Variants in PTPRT observed in about 807,000 individuals in gnomAD.
The protein encoded by PTPRT is receptor-type tyrosine-protein phosphatase T.
In PTPRT, 56 loss-of-function variants were observed where a neutral mutation model predicts 176.8. The observed-to-expected ratio is 0.32, with a 90% CI of 0.26 to 0.40. The LOEUF (loss-of-function observed/expected upper bound fraction) is 0.40, where lower values mean the gene tolerates loss of function less well. Among genes scored for constraint, PTPRT ranks in the 10% least tolerant of loss-of-function variants. PTPRT has a pLI of 1.00. For synonymous variants in PTPRT, 783 were observed against 739.0 expected (o/e 1.06, Z -0.96); for missense variants, 1,540 against 1,908.2 (o/e 0.81, Z 3.60).
intron 7 of PTPRT, among the ~76,000 whole-genome samples, chr20:42,541,992 TG>T (rs1158968476): frequency 1.3e-5 from 2 of 152,078 alleles, no homozygotes; most frequent in Non-Finnish European, 2.9e-5. Flanking sequence ...AATTGAATCA[TG>T]GGGGTAGGTT....
chr20:42,116,870 C>G lies in PTPRT; in HGVS notation c.2982+1533G>C, dbSNP rs560292407. ...CAATTTAGATTTATGGTCTATCCAT[C>G]AAGGGAATCTGTTTCCAATGGGGGA... is the stretch of plus-strand genomic sequence containing the variant. On this transcript the variant is annotated intron_variant, in intron 21 of 30. Coordinates refer to ENST00000373187, the MANE Select transcript of PTPRT (RefSeq NM_007050.6). Among the ~76,000 whole-genome samples the G allele has an allele frequency of 1.2e-3, 177 of 152,296 alleles. 1 individual carries two copies. Among genetic ancestry groups the G allele is most frequent in the Non-Finnish European group, 1.7e-3 (119 of 68,022 alleles).
intron 15 of PTPRT, among the ~76,000 whole-genome samples, chr20:42,233,272 G>T (rs986671271): frequency 1.3e-5 from 2 of 152,080 alleles, no homozygotes; most frequent in Non-Finnish European, 2.9e-5. Flanking sequence ...GCTTTTGCTT[G>T]GGAGCTCCAC....
intron 1 of PTPRT, among the ~76,000 whole-genome samples, chr20:43,060,575 C>T (rs572999366): frequency 1.1e-3 from 169 of 152,292 alleles, no homozygotes; most frequent in South Asian, 2.1e-3. Flanking sequence ...ATTTTTAATT[C>T]GGCTTTATTA....
intron 12 of PTPRT, among the ~76,000 whole-genome samples, chr20:42,299,816 T>C (rs574788600): frequency 4.6e-5 from 7 of 151,558 alleles, no homozygotes; most frequent in Non-Finnish European, 1.0e-4. Flanking sequence ...CCCAGCTAAT[T>C]TTTTGTATTT....
intron 7 of PTPRT, among the ~76,000 whole-genome samples, chr20:42,628,878 A>C (rs976600066): frequency 9.2e-5 from 14 of 152,178 alleles, no homozygotes; most frequent in African/African-American, 3.4e-4. Flanking sequence ...CACAAATGCT[A>C]ACATATTTAC....
chr20:42,661,504 A>C (rs1326774028), intron 7 of PTPRT, among the ~76,000 whole-genome samples: 4 of 152,236 alleles, frequency 2.6e-5, no homozygotes, highest in Non-Finnish European at 5.9e-5. Context: ...AAGAAGATAA[A>C]GAAGTAAAAT....
intron 7 of PTPRT, among the ~76,000 whole-genome samples, chr20:42,483,057 T>A (rs1297008549): frequency 6.6e-6 from 1 of 152,162 alleles, no homozygotes; most frequent in East Asian, 1.9e-4. Flanking sequence ...ATCGATTGGA[T>A]AAAAATGGCA....
At chr20:42,361,860 A>C (rs1323866484) in intron 9 of PTPRT, among the ~76,000 whole-genome samples, 1 of 152,188 alleles carries the variant, frequency 6.6e-6, no homozygotes, top group Non-Finnish European at 1.5e-5. Flanking sequence ...GTTTTATTCC[A>C]CTAAATTTTG....
At chr20:42,713,431 C>T (rs572061398) in intron 6 of PTPRT, among the ~76,000 whole-genome samples, 1 of 152,220 alleles carries the variant, frequency 6.6e-6, no homozygotes, top group East Asian at 1.9e-4. Context: ...CTCCTGGAGC[C>T]CACTACCCAA....
At chr20:42,627,807 T>A (rs564194093) in intron 7 of PTPRT, among the ~76,000 whole-genome samples, 1 of 152,194 alleles carries the variant, frequency 6.6e-6, no homozygotes, top group Non-Finnish European at 1.5e-5. Context: ...TCTGAGACAG[T>A]CTGTTTCAGA....
chr20:43,150,318 C>T (rs1051610108), intron 1 of PTPRT, among the ~76,000 whole-genome samples: 1 of 152,214 alleles, frequency 6.6e-6, no homozygotes, highest in African/African-American at 2.4e-5. Flanking sequence ...ACAGACAACT[C>T]AGAACTGACC....
chr20:42,425,849 C>T (rs1355141542), intron 9 of PTPRT, among the ~76,000 whole-genome samples: 1 of 152,012 alleles, frequency 6.6e-6, no homozygotes, highest in Non-Finnish European at 1.5e-5. Context: ...GAGAGGGAGG[C>T]CTTGAAGGCA....
In PTPRT at chr20:42,572,567, A is replaced by T. The variant is rs146171120; in HGVS notation, c.1154-100005T>A. 8.6e-3 allele frequency among the ~76,000 whole-genome samples: 1,309 copies of T among 152,286 alleles called. 11 individuals carry two copies. The highest frequency in any genetic ancestry group is 0.028 in the South Asian group (135 of 4,816). ...ATCTCTCCCTTGTCCTTTCGAGCCCATATAAAATGCACCTTTCTCAGGAAA... is the reference window on the plus strand; with the variant it reads ...ATCTCTCCCTTGTCCTTTCGAGCCCTTATAAAATGCACCTTTCTCAGGAAA... On this transcript the variant is annotated intron_variant, in intron 7 of 30. Coordinates refer to ENST00000373187, the MANE Select transcript of PTPRT (RefSeq NM_007050.6).
intron 13 of PTPRT, chr20:42,270,415 G>A (rs2056913373): frequency 6.5e-7 from 1 of 1,547,302 alleles, no homozygotes; most frequent in South Asian, 1.2e-5. Flanking sequence ...AGGAGGCAGA[G>A]TGGAGTCCCC....
intron 7 of PTPRT, among the ~76,000 whole-genome samples, chr20:42,576,656 A>T (rs2145707856): frequency 6.6e-6 from 1 of 152,304 alleles, no homozygotes; most frequent in East Asian, 1.9e-4. Flanking sequence ...TGTGTCAGAA[A>T]AAGAACCTGG....
chr20:42,129,911 G>A (rs371020420), intron 18 of PTPRT, among the ~76,000 whole-genome samples: 1 of 152,182 alleles, frequency 6.6e-6, no homozygotes, highest in African/African-American at 2.4e-5. Flanking sequence ...ACATACAGCA[G>A]GTACTCAGTA....
intron 9 of PTPRT, among the ~76,000 whole-genome samples, chr20:42,417,758 G>C (rs113270853): frequency 6.6e-6 from 1 of 151,264 alleles, no homozygotes; most frequent in African/African-American, 2.4e-5. Context: ...ATTTTTTAGA[G>C]TCAAAGTCTC....
At chr20:42,085,195 G>A (rs891879276) in intron 28 of PTPRT, among the ~76,000 whole-genome samples, 3 of 152,128 alleles carry the variant, frequency 2.0e-5, no homozygotes, top group Non-Finnish European at 4.4e-5. Context: ...AGTGGACAGT[G>A]AACTCTGAGC....
intron 6 of PTPRT, among the ~76,000 whole-genome samples, chr20:42,753,736 G>C (rs2076794076): frequency 6.6e-6 from 1 of 152,182 alleles, no homozygotes; most frequent in Non-Finnish European, 1.5e-5. Context: ...ACAAATCAGT[G>C]TCCCCGTAAA....
Sources: gnomAD v4.1 joint callset for allele counts (sites outside exome capture counted in the v4.1 genomes callset) on GRCh38, gnomAD v4.1.1 for gene constraint, MANE v1.5 for transcripts, NCBI Gene and HGNC (gene_info 2026-07-23, HGNC 2026-07-21) for gene names.